The following ANK2 variants were observed in gnomAD, a reference collection of about 807,000 sequenced individuals.
The protein encoded by ANK2 is ankyrin 2, also known as ankyrin-2.
In ANK2, 83 loss-of-function variants were observed where a neutral mutation model predicts 360.5. The ratio of observed to expected loss-of-function variants is 0.23; its 90% CI spans 0.19 to 0.28. The LOEUF (loss-of-function observed/expected upper bound fraction) is 0.28. Among genes scored for constraint, ANK2 ranks in the 10% least tolerant of loss-of-function variants. The probability of loss-of-function intolerance (pLI) is 1.00; values close to 1 mark genes in which losing one functional copy is unlikely to be tolerated. For missense variants in ANK2, 4,201 were observed against 4,795.7 expected (o/e 0.88, Z 3.66); for synonymous variants, 1,740 against 1,759.5 (o/e 0.99, Z 0.28).
At chr4:112,873,301 A>T (rs933368666) in intron 1 of ANK2, among the ~76,000 whole-genome samples, 1 of 151,526 alleles carries the variant, frequency 6.6e-6, no homozygotes, top group African/African-American at 2.4e-5. Flanking sequence ...TTGAAATGTT[A>T]GGTTATTGAC....
At chr4:113,164,768 A>G (rs1309735758) in intron 1 of ANK2, among the ~76,000 whole-genome samples, 2 of 152,238 alleles carry the variant, frequency 1.3e-5, no homozygotes, top group African/African-American at 4.8e-5. Flanking sequence ...CTAAGACCTA[A>G]TTCAGGTTCA....
In ANK2 at chr4:113,269,115, G is replaced by A. The variant is rs112153276; in HGVS notation, c.1485+4120G>A. On this transcript the variant is annotated intron_variant, in intron 14 of 45. Transcript: ENST00000357077. ...TACTCAAGCCTCTGTAATGGCGGAC[G>A]CCCCTCCCCCTACCACGCTGGAGCC... Among the ~76,000 whole-genome samples, 1,036 of 152,166 alleles carry A rather than the reference G, an allele frequency of 6.8e-3. 11 individuals carry two copies. The highest frequency in any genetic ancestry group is 0.024 in the African/African-American group (988 of 41,498).
intron 2 of ANK2, among the ~76,000 whole-genome samples, chr4:112,997,341 T>C (rs1036269831): frequency 6.6e-6 from 1 of 152,116 alleles, no homozygotes; most frequent in Non-Finnish European, 1.5e-5. Context: ...GTACAATAGA[T>C]CTCTTGAATT....
intron 1 of ANK2, among the ~76,000 whole-genome samples, chr4:112,838,889 G>A (rs72669667): frequency 0.013 from 1,992 of 152,240 alleles, 28 homozygotes; most frequent in Non-Finnish European, 0.021. Flanking sequence ...CAATACTACC[G>A]TTTCTCCTGT....
rs112835150 is a variant in ANK2, at chr4:113,315,700, C to T, written c.2694-2007C>T. ...GATCACGAGGTCAGGAGATCGAGAC[C>T]ATCCTGGCTAACACGGTGAAACCCT... On this transcript the variant is annotated intron_variant, in intron 24 of 45. Transcript: ENST00000357077. Among the ~76,000 whole-genome samples, 74 of 152,136 alleles carry T rather than the reference C, an allele frequency of 4.9e-4. 2 individuals are homozygous for T. Among genetic ancestry groups the T allele is most frequent in the South Asian group, 2.1e-3 (10 of 4,822 alleles).
chr4:113,106,176 A>C, intron 1 of ANK2, among the ~76,000 whole-genome samples: 1 of 152,148 alleles, frequency 6.6e-6, no homozygotes, highest in East Asian at 1.9e-4. Flanking sequence ...TATACACAGC[A>C]AATGTTAAAG....
At chr4:112,934,079 G>A (rs2093514216) in intron 2 of ANK2, among the ~76,000 whole-genome samples, 1 of 152,074 alleles carries the variant, frequency 6.6e-6, no homozygotes, top group Non-Finnish European at 1.5e-5. Flanking sequence ...CCTGTTCGTT[G>A]TTTTGAAATA....
At chr4:113,300,222 C>A (rs2074237435) in intron 22 of ANK2, among the ~76,000 whole-genome samples, 1 of 152,134 alleles carries the variant, frequency 6.6e-6, no homozygotes, top group Non-Finnish European at 1.5e-5. Flanking sequence ...CTGAATAAAA[C>A]TATTTAAATA....
In ANK2 at chr4:113,369,604, C is replaced by T. The variant is rs879089628; in HGVS notation, c.11409C>T (p.Thr3803=). The T allele has an allele frequency of 1.9e-6, 3 of 1,614,054 alleles. No homozygotes were observed. The highest frequency in any genetic ancestry group is 2.2e-5 in the South Asian group (2 of 91,070). ...SPSKTPEEVS[T]PAEEEKLYLQ... ...GCAAGACACCTGAGGAAGTTAGCAC[C>T]CCTGCAGAGGAGGAGAAGCTGTACC... The change falls in exon 43 of 46, where the codon ACC becomes ACT. Residue 3803 remains threonine, a synonymous_variant. Transcript: ENST00000357077.
At chr4:112,826,680 A>AT in intron 1 of ANK2, 1 of 921,894 alleles carries the variant, frequency 1.1e-6, no homozygotes, top group Non-Finnish European at 1.7e-6. Flanking sequence ...AGCATTGACC[A>AT]TTCAGAAATC....
chr4:113,094,678 T>C (rs886422253), intron 1 of ANK2, among the ~76,000 whole-genome samples: 30 of 152,212 alleles, frequency 2.0e-4, no homozygotes, highest in African/African-American at 7.0e-4. Context: ...ATTTGATAAA[T>C]TCTGACTTAT....
intron 2 of ANK2, among the ~76,000 whole-genome samples, chr4:113,180,469 A>G (rs1217518580): frequency 6.6e-6 from 1 of 152,194 alleles, no homozygotes; most frequent in Non-Finnish European, 1.5e-5. Flanking sequence ...GCTTTAGCAA[A>G]AGTAGCACTG....
chr4:113,242,850 A>C (rs1372706738), intron 9 of ANK2, among the ~76,000 whole-genome samples: 1 of 152,200 alleles, frequency 6.6e-6, no homozygotes, highest in African/African-American at 2.4e-5. Flanking sequence ...AAAAGTGCAG[A>C]ATAAAGGCAA....
At chr4:113,060,632 C>G (rs965459155) in intron 1 of ANK2, among the ~76,000 whole-genome samples, 1 of 146,154 alleles carries the variant, frequency 6.8e-6, no homozygotes, top group Non-Finnish European at 1.5e-5. Flanking sequence ...ACCTGTTTCA[C>G]TCATATGCCT....
intron 2 of ANK2, among the ~76,000 whole-genome samples, chr4:112,957,696 ACC>A (rs1179494048): frequency 3.3e-5 from 4 of 122,188 alleles, no homozygotes; most frequent in African/African-American, 1.3e-4. Flanking sequence ...CGGGGGGCTG[ACC>A]CCCCCACCTC....
At chr4:113,121,523 A>G (rs1384417507) in intron 1 of ANK2, among the ~76,000 whole-genome samples, 1 of 152,196 alleles carries the variant, frequency 6.6e-6, no homozygotes, top group Non-Finnish European at 1.5e-5. Flanking sequence ...AATTGCACCA[A>G]AATATTTCAT....
chr4:113,275,003 G>T (rs372814066), intron 15 of ANK2, among the ~76,000 whole-genome samples: 1 of 152,104 alleles, frequency 6.6e-6, no homozygotes, highest in Non-Finnish European at 1.5e-5. Context: ...ATACTAATGA[G>T]GAAGAGGGTA....
At chr4:112,836,091 C>T (rs2060925253) in intron 1 of ANK2, among the ~76,000 whole-genome samples, 1 of 152,108 alleles carries the variant, frequency 6.6e-6, no homozygotes, top group African/African-American at 2.4e-5. Context: ...CAAATCTCAT[C>T]TCAAATTATA....
intron 45 of ANK2, among the ~76,000 whole-genome samples, chr4:113,375,521 C>T (rs1301564114): frequency 6.6e-6 from 1 of 151,778 alleles, no homozygotes; most frequent in Non-Finnish European, 1.5e-5. Flanking sequence ...GTCAGGAGAT[C>T]GAGACCATCC....
Sources: gnomAD v4.1 joint callset for allele counts (sites outside exome capture counted in the v4.1 genomes callset) on GRCh38, gnomAD v4.1.1 for gene constraint, MANE v1.5 for transcripts, NCBI Gene and HGNC (gene_info 2026-07-23, HGNC 2026-07-21) for gene names.